SLIT3: variants seen among roughly 807,000 people sequenced by gnomAD.
The protein encoded by SLIT3 is slit homolog 3 protein.
SLIT3 carries 68 observed loss-of-function variants against 184.0 expected under a neutral mutation model. That is an observed-to-expected ratio of 0.37 (90% CI 0.30 to 0.45). The LOEUF (loss-of-function observed/expected upper bound fraction) is 0.45, where lower values mean the gene tolerates loss of function less well. Among genes scored for constraint, SLIT3 ranks in the 20% least tolerant of loss-of-function variants. The pLI is 1.00. For synonymous variants in SLIT3, 831 were observed against 828.6 expected (o/e 1.00, Z -0.05); for missense variants, 1,707 against 2,026.0 (o/e 0.84, Z 3.02).
At chr5:169,198,603 G>A (rs1017649629) in intron 3 of SLIT3, among the ~76,000 whole-genome samples, 2 of 152,166 alleles carry the variant, frequency 1.3e-5, no homozygotes, top group African/African-American at 4.8e-5. Flanking sequence ...CAGAGAAAGG[G>A]TTTGAGCAAG....
chr5:168,912,936 C>A (rs757436777), intron 4 of SLIT3, among the ~76,000 whole-genome samples: 1 of 152,146 alleles, frequency 6.6e-6, no homozygotes, highest in East Asian at 1.9e-4. Context: ...ACAGCTCATT[C>A]GGCTTAGGTA....
intron 4 of SLIT3, among the ~76,000 whole-genome samples, chr5:168,896,226 C>T (rs1186349598): frequency 6.6e-6 from 1 of 152,188 alleles, no homozygotes; most frequent in Non-Finnish European, 1.5e-5. Context: ...GCCTAAAAGA[C>T]CTTGGTGTGA....
intron 32 of SLIT3, among the ~76,000 whole-genome samples, chr5:168,673,878 A>G (rs1174126956): frequency 6.8e-6 from 1 of 146,006 alleles, no homozygotes; most frequent in Non-Finnish European, 1.5e-5. Flanking sequence ...AGAGTTAAGC[A>G]AACTCCATTC....
intron 5 of SLIT3, among the ~76,000 whole-genome samples, chr5:168,846,602 CTG>C (rs150873860): frequency 0.02 from 3,011 of 152,228 alleles, 34 homozygotes; most frequent in African/African-American, 0.026. Flanking sequence ...CTTCGAGAAA[CTG>C]TTCAATGAAC....
At chr5:168,902,148 C>A (rs1280916876) in intron 4 of SLIT3, among the ~76,000 whole-genome samples, 1 of 152,096 alleles carries the variant, frequency 6.6e-6, no homozygotes, top group Non-Finnish European at 1.5e-5. Flanking sequence ...CCTTGGCCTC[C>A]CAAAGTGCTG....
Position 168,708,094 on chromosome 5 carries a change from A to G in SLIT3, c.2726T>C (p.Val909Ala). Residue 909 changes from valine (V) to alanine (A), a missense_variant, in exon 26 of 36, where the codon GTG (valine) becomes GCG (alanine). By Grantham distance (64) the Val-to-Ala change is moderately conservative. Around this residue, in one of 3 missense-constraint regions of SLIT3, gnomAD observed 1,307 missense variants for 1,511.6 expected, o/e 0.86. Coordinates refer to ENST00000519560, the MANE Select transcript of SLIT3 (RefSeq NM_003062.4). ...GCATTTGGCCACAATGTTGATGTCC[A>G]CTGGCCCTGGGCAGCAAAACCAGAG... The part of the protein sequence containing the change: ...PTHRFQCKGP[V>A]DINIVAKCNA... 1 of 1,614,158 alleles carries G rather than the reference A, an allele frequency of 6.2e-7. No individual in the cohort carries two copies.
chr5:169,019,632 A>G (rs1311591664), intron 4 of SLIT3, among the ~76,000 whole-genome samples: 1 of 152,158 alleles, frequency 6.6e-6, no homozygotes, highest in Non-Finnish European at 1.5e-5. Context: ...ATCACCTGCT[A>G]CCTCTACCAC....
intron 4 of SLIT3, among the ~76,000 whole-genome samples, chr5:169,088,185 C>A (rs1759391105): frequency 6.6e-6 from 1 of 152,180 alleles, no homozygotes; most frequent in Non-Finnish European, 1.5e-5. Context: ...AGGGACTGAG[C>A]AACTCTATCT....
At chr5:169,216,501 G>C (rs1581065054) in intron 3 of SLIT3, among the ~76,000 whole-genome samples, 1 of 152,218 alleles carries the variant, frequency 6.6e-6, no homozygotes, top group East Asian at 1.9e-4. Flanking sequence ...GGCTCTGATA[G>C]AAACAGTAGC....
intron 3 of SLIT3, among the ~76,000 whole-genome samples, chr5:169,218,170 C>T (rs1039681185): frequency 1.3e-5 from 2 of 152,230 alleles, no homozygotes; most frequent in East Asian, 1.9e-4. Context: ...TGCATGCTTA[C>T]TGTATGTCCT....
In SLIT3 at chr5:168,700,651, G is replaced by T. The variant is rs150359356; in HGVS notation, c.2873C>A (p.Thr958Asn). The change falls in exon 27 of 36, where the codon ACC becomes AAC. Residue 958 changes from threonine to asparagine, a missense_variant. Physicochemically the swap from Thr to Asn is moderately conservative, Grantham distance 65. Transcript: ENST00000519560. ...ATGCTGACAGGGGTTCTGGATGCAG[G>T]TGTTGATGGGCACAGTGCAGTCCTT... ...KGKDCTVPIN[T>N]CIQNPCQHGG... 2 of 1,614,038 alleles carry T rather than the reference G, an allele frequency of 1.2e-6. No individual in the cohort carries two copies. Among genetic ancestry groups the T allele is most frequent in the African/African-American group, 2.7e-5 (2 of 74,926 alleles).
chr5:168,949,067 G>A lies in SLIT3; in HGVS notation c.414-65731C>T, dbSNP rs939483611. Among the ~76,000 whole-genome samples the A allele has an allele frequency of 3.6e-4, 55 of 152,158 alleles. 1 individual carries two copies. The highest frequency in any genetic ancestry group is 3.6e-3 in the Admixed American group (55 of 15,272). On this transcript the variant is annotated intron_variant, in intron 4 of 35. Transcript: ENST00000519560. Reference sequence around the variant, plus strand: ...CTCTCCAGGATCAGAACTTCCTGGGGCATATGAGCATCTGTATTTTTCATG... The same window carrying A: ...CTCTCCAGGATCAGAACTTCCTGGGACATATGAGCATCTGTATTTTTCATG...
chr5:168,916,376 G>A (rs567993496), intron 4 of SLIT3, among the ~76,000 whole-genome samples: 3 of 152,246 alleles, frequency 2.0e-5, no homozygotes, highest in Non-Finnish European at 4.4e-5. Flanking sequence ...AGCTGTGGGA[G>A]GTGCTTCGCT....
At chr5:169,226,115 C>T (rs1764797830) in intron 3 of SLIT3, among the ~76,000 whole-genome samples, 1 of 152,136 alleles carries the variant, frequency 6.6e-6, no homozygotes, top group Non-Finnish European at 1.5e-5. Context: ...TCTCTGCCAG[C>T]CCCTGGGTGT....
At chr5:169,106,280 T>C (rs1424422357) in intron 4 of SLIT3, among the ~76,000 whole-genome samples, 1 of 152,112 alleles carries the variant, frequency 6.6e-6, no homozygotes, top group Non-Finnish European at 1.5e-5. Context: ...ACAGGTGTGT[T>C]TGAGAAAAAT....
In SLIT3 at chr5:168,883,255, C is replaced by T. The variant is rs368686698; in HGVS notation, c.485+10G>A. 1.9e-6 allele frequency: 3 copies of T among 1,612,632 alleles called. No individual in the cohort carries two copies. Among genetic ancestry groups the T allele is most frequent in the African/African-American group, 2.7e-5 (2 of 74,900 alleles). On this transcript the variant is annotated intron_variant, in intron 5 of 35. Coordinates refer to ENST00000519560, the MANE Select transcript of SLIT3 (RefSeq NM_003062.4). ...CACATACGTAGTGAAGCAAGGAAAA[C>T]ATCACTTACAGGTTCTTCACATCGG...
chr5:168,675,810 T>A (rs1347624863), intron 32 of SLIT3, among the ~76,000 whole-genome samples: 3 of 152,184 alleles, frequency 2.0e-5, no homozygotes, highest in African/African-American at 7.2e-5. Flanking sequence ...AAGCTAGTGA[T>A]CCCTGTTCTA....
chr5:168,876,904 AG>A (rs1759752512), intron 5 of SLIT3, among the ~76,000 whole-genome samples: 1 of 152,226 alleles, frequency 6.6e-6, no homozygotes, highest in South Asian at 2.1e-4. Flanking sequence ...TTATTTCTAT[AG>A]TATATGGTAT....
intron 4 of SLIT3, among the ~76,000 whole-genome samples, chr5:169,164,358 C>T (rs2879149): frequency 0.47 from 70,787 of 151,988 alleles, 16,814 homozygotes; most frequent in African/African-American, 0.53. Flanking sequence ...GTCTCAGGAC[C>T]GCAGCCCCTT....
Sources: allele counts gnomAD v4.1 joint callset (sites outside exome capture counted in the v4.1 genomes callset), GRCh38; gene constraint gnomAD v4.1.1; regional missense constraint gnomAD v4.1.1; transcripts MANE v1.5; gene names NCBI Gene and HGNC (gene_info 2026-07-23, HGNC 2026-07-21).